NABP2: variants seen among roughly 807,000 people sequenced by gnomAD.
NABP2 encodes the protein SOSS complex subunit B1.
In NABP2, 7 loss-of-function variants were observed where a neutral mutation model predicts 22.7. The observed-to-expected ratio is 0.31, with a 90% confidence interval of 0.18 to 0.58. The LOEUF is 0.58. NABP2 is among the 20% of genes least tolerant of loss of function. NABP2 has a pLI of 0.89. For missense variants in NABP2, 188 were observed against 265.9 expected (o/e 0.71, Z 2.04); for synonymous variants, 107 against 99.2 (o/e 1.08, Z -0.47).
intron 1 of NABP2, 107 bp downstream of exon 1, chr12:56,224,548 C>A: frequency 8.3e-7 from 1 of 1,199,610 alleles, no homozygotes; most frequent in East Asian, 4.0e-5. Context: ...TGGCTGTGCA[C>A]CGGGTTCCCT....
rs954924018 is a variant in NABP2 at position 56,228,266 on chromosome 12, A to G, written c.437-748A>G. On this transcript the variant is annotated intron_variant, in intron 6 of 6. Coordinates refer to ENST00000267023, the MANE Select transcript of NABP2 (RefSeq NM_024068.4). ...ATCTATATTTTCTAAAATGAACATT[A>G]TCATTATCGTACACTCATACACACC... is the stretch of plus-strand genomic sequence containing the variant. Among the ~76,000 whole-genome samples the G allele has an allele frequency of 4.6e-5, 7 of 152,294 alleles. No homozygotes were observed. In the South Asian group the frequency reaches 1.4e-3, roughly 32 times the overall value.
intron 1 of NABP2, 173 bp from the exon 2 acceptor site, chr12:56,224,661 A>C: frequency 1.0e-6 from 1 of 960,366 alleles, no homozygotes; most frequent in Non-Finnish European, 1.5e-6. Flanking sequence ...AGACCCCCAA[A>C]TTCTGATCCT....
At chr12:56,225,762 T>C in intron 4 of NABP2, 67 bp downstream of exon 4, 1 of 1,491,736 alleles carries the variant, frequency 6.7e-7, no homozygotes, top group South Asian at 1.1e-5. Context: ...GGAGGCAGCA[T>C]AGGGTGTGCA....
In NABP2 at chr12:56,226,156, T is replaced by G. The variant is rs1035135655; in HGVS notation, c.291-23T>G. The G allele has an allele frequency of 6.8e-6, 11 of 1,612,084 alleles. No homozygotes were observed. The Admixed American group carries it at 8.3e-5, about 12-fold the overall frequency. ...TGGCCCAGAGGATGAATTCAAGGCT[T>G]TAGCTACTTTCTTCCCTTGCAGATT... On this transcript the variant is annotated intron_variant, in intron 4 of 6. Coordinates refer to ENST00000267023, the MANE Select transcript of NABP2 (RefSeq NM_024068.4).
upstream of NABP2, among the ~76,000 whole-genome samples, chr12:56,223,043 G>A (rs1390683349): frequency 1.3e-5 from 2 of 152,160 alleles, no homozygotes; most frequent in African/African-American, 4.8e-5. Context: ...AGCCCAGGCT[G>A]GCCAACGTGG....
In NABP2 at chr12:56,229,247, C is replaced by G. The variant is rs756518805; in HGVS notation, c.*34C>G. 1 of 1,608,072 alleles carries G rather than the reference C, an allele frequency of 6.2e-7. No individual in the cohort carries two copies. Among genetic ancestry groups the G allele is most frequent in the East Asian group, 2.2e-5 (1 of 44,856 alleles). ...TCTTTCTTCCTGCCACCAACCACATCCCAAGTGTCCCCTGGAGAGCAAGAT... is the reference window on the plus strand; with the variant it reads ...TCTTTCTTCCTGCCACCAACCACATGCCAAGTGTCCCCTGGAGAGCAAGAT... On this transcript the variant is annotated 3_prime_UTR_variant, in exon 7 of 7. Coordinates refer to ENST00000267023, the MANE Select transcript of NABP2 (RefSeq NM_024068.4).
chr12:56,229,251 A>C lies in NABP2; in HGVS notation c.*38A>C. 6.2e-7 allele frequency: 1 copy of C among 1,608,648 alleles called. No homozygotes were observed. ...TCTTCCTGCCACCAACCACATCCCAAGTGTCCCCTGGAGAGCAAGATAGCC... is the reference window on the plus strand; with the variant it reads ...TCTTCCTGCCACCAACCACATCCCACGTGTCCCCTGGAGAGCAAGATAGCC... On this transcript the variant is annotated 3_prime_UTR_variant, in exon 7 of 7. Coordinates refer to ENST00000267023, the MANE Select transcript of NABP2 (RefSeq NM_024068.4).
chr12:56,228,522 G>T (rs1869905609), intron 6 of NABP2, among the ~76,000 whole-genome samples: 2 of 151,850 alleles, frequency 1.3e-5, no homozygotes, highest in African/African-American at 4.8e-5. Flanking sequence ...GAGTATCTGG[G>T]ATTACAGGCG....
intron 6 of NABP2, 65 bp downstream of exon 6, chr12:56,226,484 T>C (rs1869771215): frequency 7.1e-7 from 1 of 1,401,136 alleles, no homozygotes; most frequent in East Asian, 2.3e-5. Flanking sequence ...CCTAGAAAGA[T>C]GCATTTCCCT....
chr12:56,222,630 A>G (rs1429766394), upstream of NABP2, among the ~76,000 whole-genome samples: 1 of 152,188 alleles, frequency 6.6e-6, no homozygotes, highest in Non-Finnish European at 1.5e-5. Flanking sequence ...GTGGGATCCA[A>G]GGGAAGTCAA....
Position 56,229,087 on chromosome 12 carries a change from T to TGCCCACC in NABP2, c.510_511insGCCCACC (p.Pro171AlafsTer32). On this transcript the variant is annotated frameshift_variant, in exon 7 of 7. Coordinates refer to ENST00000267023, the MANE Select transcript of NABP2 (RefSeq NM_024068.4). LOFTEE classifies it high-confidence loss of function. ...GTGGTGGCCCACATCCCCCTCATAC[T>TGCCCACC]CCCTCCCACCCACCCAGCACCCGAA... 3.3e-6 allele frequency: 5 copies of TGCCCACC among 1,512,324 alleles called. No individual in the cohort carries two copies. Among genetic ancestry groups the TGCCCACC allele is most frequent in the Non-Finnish European group, 3.6e-6 (4 of 1,101,994 alleles). 93.7% of individuals were successfully genotyped at this position (1,512,324 alleles called of 1,614,324 possible). A position where few individuals can be genotyped will look rare whatever the true frequency, so the allele number is the denominator to read the frequency against.
chr12:56,222,187 T>C (rs999625034), upstream of NABP2: 1 of 152,254 alleles, frequency 6.6e-6, no homozygotes, highest in African/African-American at 2.4e-5. Context: ...CGCTTCGCTT[T>C]GGAGGGGTGC....
At chr12:56,227,477 T>C (rs1357001852) in intron 6 of NABP2, among the ~76,000 whole-genome samples, 1 of 152,026 alleles carries the variant, frequency 6.6e-6, no homozygotes, top group African/African-American at 2.4e-5. Flanking sequence ...ATATAACAAA[T>C]GTTTCTAGAG....
Position 56,229,052 on chromosome 12 carries a change from C to A in NABP2, c.475C>A (p.Pro159Thr). ...GAATGGGAATGGACTGAGTGCCCCACCAGGTCCCGGTGGTGGCCCACATCC... is the reference window on the plus strand; with the variant it reads ...GAATGGGAATGGACTGAGTGCCCCAACAGGTCCCGGTGGTGGCCCACATCC... ...NQNGNGLSAP[P>T]GPGGGPHPPH... is the part of the protein sequence containing the mutation. Residue 159 changes from proline to threonine, a missense_variant, in exon 7 of 7, where the codon CCA becomes ACA. Physicochemically the swap from Pro to Thr is conservative, Grantham distance 38. Transcript: ENST00000267023. The A allele has an allele frequency of 2.5e-6, 4 of 1,613,408 alleles. No homozygotes were observed. Among genetic ancestry groups the A allele is most frequent in the African/African-American group, 2.7e-5 (2 of 75,040 alleles).
upstream of NABP2, among the ~76,000 whole-genome samples, chr12:56,224,093 C>T (rs1364284731): frequency 3.3e-5 from 5 of 152,248 alleles, no homozygotes. Context: ...CGTCTTAGAA[C>T]CTAAGTGCAT....
Position 56,229,087 on chromosome 12 carries a change from T to TTGCCGCCCCC in NABP2, c.510_511insTGCCGCCCCC (p.Pro171CysfsTer33). ...GTGGTGGCCCACATCCCCCTCATAC[T>TTGCCGCCCCC]CCCTCCCACCCACCCAGCACCCGAA... On this transcript the variant is annotated frameshift_variant, in exon 7 of 7. Transcript: ENST00000267023. LOFTEE classifies it high-confidence loss of function. 37 of 1,512,294 alleles carry TTGCCGCCCCC rather than the reference T, an allele frequency of 2.4e-5. No homozygotes were observed. Among genetic ancestry groups the TTGCCGCCCCC allele is most frequent in the Non-Finnish European group, 2.9e-5 (32 of 1,101,966 alleles). The allele number at this position is 1,512,294 out of a possible 1,614,324, so 93.7% of individuals were successfully genotyped here.
In NABP2 at chr12:56,229,118, C is replaced by A. The variant is rs1200782880; in HGVS notation, c.541C>A (p.Arg181=). The A allele has an allele frequency of 5.5e-6, 6 of 1,085,016 alleles. No individual in the cohort carries two copies. The African/African-American group carries it at 1.0e-4, about 18-fold the overall frequency. 67.2% of individuals were successfully genotyped at this position (1,085,016 alleles called of 1,614,324 possible). Reference sequence around the variant, plus strand: ...CCACCCACCCAGCACCCGAATCACTCGAAGCCAGCCCAACCACACACCTGC... The same window carrying A: ...CCACCCACCCAGCACCCGAATCACTAGAAGCCAGCCCAACCACACACCTGC... ...PSHPPSTRIT[R]SQPNHTPAGP... Residue 181 remains arginine (R), a synonymous_variant, in exon 7 of 7, where the codon CGA becomes AGA. Coordinates refer to ENST00000267023, the MANE Select transcript of NABP2 (RefSeq NM_024068.4).
chr12:56,224,965 GATGGGGGTC>G, intron 2 of NABP2, 30 bp downstream of exon 2: 1 of 1,401,360 alleles, frequency 7.1e-7, no homozygotes, highest in Non-Finnish European at 1.0e-6. Context: ...GGGTTCGCGG[GATGGGGGTC>G]GGGGGCAGGA....
intron 4 of NABP2, 72 bp from the exon 5 acceptor site, chr12:56,226,107 G>A: frequency 2.1e-6 from 3 of 1,419,066 alleles, no homozygotes; most frequent in South Asian, 1.2e-5. Context: ...GAACCTATCT[G>A]GACTTTTCTG....
Sources: allele counts gnomAD v4.1 joint callset (sites outside exome capture counted in the v4.1 genomes callset), GRCh38; gene constraint gnomAD v4.1.1; transcripts MANE v1.5; gene names NCBI Gene and HGNC (gene_info 2026-07-23, HGNC 2026-07-21).